Variants in CORO7 observed in about 807,000 individuals in gnomAD.
CORO7 encodes coronin 7.
A neutral mutation model predicts 126.6 loss-of-function variants in CORO7; 107 were observed. The ratio of observed to expected loss-of-function variants is 0.85; its 90% CI spans 0.72 to 0.99. CORO7 has a LOEUF of 0.99. Among genes scored for constraint, CORO7 ranks in the 50% least tolerant of loss-of-function variants. The probability of loss-of-function intolerance (pLI) is 0.00; values close to 1 mark genes in which losing one functional copy is unlikely to be tolerated. For synonymous variants in CORO7, 603 were observed against 536.8 expected (o/e 1.12, Z -1.70); for missense variants, 1,314 against 1,255.8 (o/e 1.05, Z -0.70).
intron 9 of CORO7, among the ~76,000 whole-genome samples, chr16:4,376,911 C>A (rs1044028040): frequency 1.1e-4 from 17 of 152,202 alleles, no homozygotes; most frequent in African/African-American, 3.4e-4. Flanking sequence ...TTAGTAGTAC[C>A]CACGCCCAGG....
Position 4,415,817 on chromosome 16 carries a change from T to C in CORO7, c.60+642A>G, listed in dbSNP as rs575977697. 2.0e-5 allele frequency: 20 copies of C among 985,570 alleles called. No individual in the cohort carries two copies. In the Middle Eastern group the frequency reaches 2.1e-3, roughly 103 times the overall value. 61.1% of individuals were successfully genotyped at this position (985,570 alleles called of 1,614,324 possible). ...GGGGTCCGAAGGGTCTCCCGGCACCTGGCTCAGCAATTCTTTGGGGCTCCA... is the reference window on the plus strand; with the variant it reads ...GGGGTCCGAAGGGTCTCCCGGCACCCGGCTCAGCAATTCTTTGGGGCTCCA... On this transcript the variant is annotated intron_variant, in intron 1 of 27. Transcript: ENST00000251166.
At chr16:4,361,892 G>C (rs1208560058) in intron 16 of CORO7, 93 bp downstream of exon 16, 1 of 1,522,494 alleles carries the variant, frequency 6.6e-7, no homozygotes, top group South Asian at 1.2e-5. Flanking sequence ...CACAAGGTTT[G>C]TGCTCCCTGT....
chr16:4,357,106 G>A lies in CORO7; in HGVS notation c.2685+62C>T. On this transcript the variant is annotated intron_variant, in intron 26 of 27. Transcript: ENST00000251166. ...TGGGTTGGGGATGGAGAACTAAGGG[G>A]CCGTGGCCAGGTGCAGCCAGGACTC... 3 of 1,600,590 alleles carry A rather than the reference G, an allele frequency of 1.9e-6. No individual in the cohort carries two copies. The South Asian group carries it at 3.3e-5, about 18-fold the overall frequency.
intron 7 of CORO7, among the ~76,000 whole-genome samples, chr16:4,394,555 C>G (rs2055516761): frequency 6.6e-6 from 1 of 152,248 alleles, no homozygotes; most frequent in Non-Finnish European, 1.5e-5. Context: ...AGCCCGTCCT[C>G]CTTCAGGCCA....
At chr16:4,388,434 G>T in intron 8 of CORO7, 111 bp downstream of exon 8, 1 of 1,229,942 alleles carries the variant, frequency 8.1e-7, no homozygotes, top group Middle Eastern at 2.0e-4. Context: ...TATATGGACA[G>T]GCCTGGAACT....
In CORO7 at chr16:4,416,577, C is replaced by G; in HGVS notation, c.-59G>C. On this transcript the variant is annotated 5_prime_UTR_variant, in exon 1 of 28. Transcript: ENST00000251166. ...GACCCCGGGCGTCGGGTCTCAGGTG[C>G]ACGCTGAGCAACCGCGACTCCCGCT... is the stretch of plus-strand genomic sequence containing the variant. The G allele has an allele frequency of 6.4e-7, 1 of 1,553,048 alleles. No homozygotes were observed.
chr16:4,381,983 C>T, intron 9 of CORO7: 2 of 1,607,836 alleles, frequency 1.2e-6, no homozygotes, highest in Non-Finnish European at 1.7e-6. Context: ...CGGGAGCCCA[C>T]AGCCTTGTCT....
intron 7 of CORO7, 117 bp from the exon 8 acceptor site, chr16:4,388,748 G>T: frequency 8.8e-7 from 1 of 1,134,262 alleles, no homozygotes; most frequent in Non-Finnish European, 1.3e-6. Flanking sequence ...GCCTCACAGA[G>T]GGTGGGAAGG....
At position 4,413,415 on chromosome 16, in the gene CORO7, A is replaced by G; in HGVS notation, c.61-11T>C. ...GTCACTGATCCAGGACTGAAAATCA[A>G]GAGTAAAGAAGTATGTGGTGAGAGC... On this transcript the variant is annotated splice_polypyrimidine_tract_variant and intron_variant, in intron 1 of 27. Coordinates refer to ENST00000251166, the MANE Select transcript of CORO7 (RefSeq NM_024535.5). 3 of 1,559,866 alleles carry G rather than the reference A, an allele frequency of 1.9e-6. No individual in the cohort carries two copies. Among genetic ancestry groups the G allele is most frequent in the Non-Finnish European group, 2.6e-6 (3 of 1,150,670 alleles).
In CORO7 at chr16:4,358,458, T is replaced by C; in HGVS notation, c.2366A>G (p.Glu789Gly). Residue 789 changes from glutamate (E) to glycine (G), a missense_variant, in exon 24 of 28, where the codon GAG becomes GGG. By Grantham distance (98) the Glu-to-Gly change is moderately conservative (BLOSUM62 -2). Coordinates refer to ENST00000251166, the MANE Select transcript of CORO7 (RefSeq NM_024535.5). Reference protein sequence around the residue: ...HKGLVLLPKTECDVREVELMR... With the variant: ...HKGLVLLPKTGCDVREVELMR... ...CAGCTCCACTTCCCGCACGTCGCAC[T>C]CCGTCTTAGGCAGGAGGACGAGGCC... is the stretch of plus-strand genomic sequence containing the variant. The C allele has an allele frequency of 6.2e-7, 1 of 1,609,176 alleles. No individual in the cohort carries two copies.
intron 6 of CORO7, among the ~76,000 whole-genome samples, chr16:4,405,196 T>C (rs1040147203): frequency 6.6e-6 from 1 of 151,964 alleles, no homozygotes; most frequent in African/African-American, 2.4e-5. Context: ...AGGCTGGCGG[T>C]TCAGACAGAC....
In CORO7 at chr16:4,364,235, C is replaced by G. The variant is rs748937648; in HGVS notation, c.1275+41G>C. The stretch of plus-strand genomic sequence containing the variant: ...CGGTGAACACTCAGGGCAGCCACTG[C>G]AGTGTCGCTGAGGGAGGATGGGGGC... On this transcript the variant is annotated intron_variant, in intron 14 of 27. Coordinates refer to ENST00000251166, the MANE Select transcript of CORO7 (RefSeq NM_024535.5). 55 of 1,496,656 alleles carry G rather than the reference C, an allele frequency of 3.7e-5. 1 individual carries two copies. In the Admixed American group the frequency reaches 1.0e-3, roughly 27 times the overall value. 92.7% of individuals were successfully genotyped at this position (1,496,656 alleles called of 1,614,324 possible).
chr16:4,364,298 G>A lies in CORO7; in HGVS notation c.1253C>T (p.Pro418Leu), dbSNP rs752097861. 10 of 1,548,738 alleles carry A rather than the reference G, an allele frequency of 6.5e-6. No individual in the cohort carries two copies. Among genetic ancestry groups the A allele is most frequent in the Admixed American group, 4.1e-5 (2 of 49,042 alleles). The change falls in exon 14 of 28, where the codon CCC (proline) becomes CTC (leucine). Residue 418 changes from proline to leucine, a missense_variant. Physicochemically the swap from Pro to Leu is moderately conservative, Grantham distance 98. Transcript: ENST00000251166. Reference sequence around the variant, plus strand: ...TACGCTTGCGTCTGCATCACCCACGGGTGTCTCCATCACCGCAGGCTGGGC... The same window carrying A: ...TACGCTTGCGTCTGCATCACCCACGAGTGTCTCCATCACCGCAGGCTGGGC... ...DTAQPAVMET[P>L]VGDADASEGF...
At chr16:4,398,805 T>TA (rs1412272745) in intron 6 of CORO7, among the ~76,000 whole-genome samples, 1 of 151,818 alleles carries the variant, frequency 6.6e-6, no homozygotes, top group Non-Finnish European at 1.5e-5. Context: ...CCGTCTCTAC[T>TA]AAAAATACAA....
At chr16:4,359,031 C>T (rs1354099612) in intron 23 of CORO7, 2 of 520,734 alleles carry the variant, frequency 3.8e-6, no homozygotes, top group Non-Finnish European at 6.7e-6. Context: ...CCTGCCTCAG[C>T]CTTCCGAAGT....
At chr16:4,367,931 A>C (rs972482691) in intron 9 of CORO7, among the ~76,000 whole-genome samples, 1 of 152,212 alleles carries the variant, frequency 6.6e-6, no homozygotes, top group African/African-American at 2.4e-5. Context: ...CTAGTGACTC[A>C]TGTCTGTGAT....
In CORO7 at chr16:4,364,504, G is replaced by C. The variant is rs536241595; in HGVS notation, c.1138-91C>G. On this transcript the variant is annotated intron_variant, in intron 13 of 27. Transcript: ENST00000251166. Reference sequence around the variant, plus strand: ...AGGGTCAACTGGGTAGGGATGGGGGGCACCCAGCAGGCCAGACTGAGTTGG... The same window carrying C: ...AGGGTCAACTGGGTAGGGATGGGGGCCACCCAGCAGGCCAGACTGAGTTGG... 8 of 1,487,870 alleles carry C rather than the reference G, an allele frequency of 5.4e-6. No individual in the cohort carries two copies. In the East Asian group the frequency reaches 2.0e-4, roughly 37 times the overall value. 92.2% of individuals were successfully genotyped at this position (1,487,870 alleles called of 1,614,324 possible). A position where few individuals can be genotyped will look rare whatever the true frequency, so the allele number is the denominator to read the frequency against.
At chr16:4,409,428 G>A (rs906556466) in intron 3 of CORO7, among the ~76,000 whole-genome samples, 7 of 152,230 alleles carry the variant, frequency 4.6e-5, no homozygotes, top group Non-Finnish European at 1.0e-4. Context: ...CATCTCAGGC[G>A]TGAATGAGAT....
intron 1 of CORO7, among the ~76,000 whole-genome samples, chr16:4,414,708 C>CTGTT (rs2056342328): frequency 1.3e-5 from 2 of 152,136 alleles, no homozygotes; most frequent in Admixed American, 6.5e-5. Flanking sequence ...AGTTCCATGC[C>CTGTT]TATCTGTTTA....
Sources: allele counts gnomAD v4.1 joint callset (sites outside exome capture counted in the v4.1 genomes callset), GRCh38; gene constraint gnomAD v4.1.1; transcripts MANE v1.5; gene names NCBI Gene and HGNC (gene_info 2026-07-23, HGNC 2026-07-21).